NTAQ1: variants seen among roughly 807,000 people sequenced by gnomAD.
The protein encoded by NTAQ1 is protein N-terminal glutamine amidohydrolase.
Under a neutral mutation model 28.2 loss-of-function variants are expected in NTAQ1, and 21 were observed. That is an observed-to-expected ratio of 0.74 (90% CI 0.53 to 1.07). The LOEUF (loss-of-function observed/expected upper bound fraction) is 1.07, where lower values mean the gene tolerates loss of function less well. Among genes scored for constraint, NTAQ1 ranks in the 50% least tolerant of loss-of-function variants. The pLI, the probability that NTAQ1 is intolerant of heterozygous loss-of-function variation, is 0.00. For synonymous variants in NTAQ1, 105 were observed against 90.0 expected, an observed-to-expected ratio of 1.17 and a Z score of -0.94; for missense variants, 264 against 256.6, an observed-to-expected ratio of 1.03 and a Z score of -0.20.
chr8:123,424,331 C>G (rs1367849991), intron 1 of NTAQ1, among the ~76,000 whole-genome samples: 2 of 152,050 alleles, frequency 1.3e-5, no homozygotes, highest in African/African-American at 4.8e-5. Flanking sequence ...CAACCGCCGC[C>G]TCCCAGGTTC....
At chr8:123,427,425 G>A (rs1055816660) in intron 1 of NTAQ1, among the ~76,000 whole-genome samples, 1 of 151,856 alleles carries the variant, frequency 6.6e-6, no homozygotes, top group Admixed American at 6.6e-5. Context: ...GCTAATTTTA[G>A]TATTTTTAGT....
intron 1 of NTAQ1, among the ~76,000 whole-genome samples, chr8:123,418,188 C>G (rs1460610296): frequency 6.6e-6 from 1 of 152,178 alleles, no homozygotes; most frequent in Non-Finnish European, 1.5e-5. Flanking sequence ...CGATGGCTCA[C>G]GCCTGTAATT....
Position 123,441,364 on chromosome 8 carries a change from C to T in NTAQ1, c.567C>T (p.Ala189=), listed in dbSNP as rs763814546. 35 of 1,612,036 alleles carry T rather than the reference C, an allele frequency of 2.2e-5. No individual in the cohort carries two copies. The highest frequency in any genetic ancestry group is 2.8e-5 in the Non-Finnish European group (33 of 1,179,032). Residue 189 remains alanine (A), a synonymous_variant, in exon 6 of 6, where the codon GCC becomes GCT. Coordinates refer to ENST00000287387, the MANE Select transcript of NTAQ1 (RefSeq NM_018024.3). ...TGGATCCCAAGGTAGGATGGGGCGC[C>T]GTCTACACACTATCCGAATTTACAC... The part of the protein sequence containing the change: ...ISMDPKVGWG[A]VYTLSEFTHR...
At chr8:123,428,762 C>T (rs536846824) in intron 2 of NTAQ1, among the ~76,000 whole-genome samples, 13 of 151,658 alleles carry the variant, frequency 8.6e-5, no homozygotes, top group South Asian at 4.2e-4. Context: ...CCACGATGGC[C>T]GGCTAATTTT....
At chr8:123,440,439 A>C (rs962062441) in intron 5 of NTAQ1, among the ~76,000 whole-genome samples, 4 of 150,274 alleles carry the variant, frequency 2.7e-5, no homozygotes, top group African/African-American at 9.8e-5. Context: ...TATAGGCGTG[A>C]GCCACCACGC....
intron 4 of NTAQ1, among the ~76,000 whole-genome samples, 153 bp downstream of exon 4, chr8:123,436,754 G>A (rs1274130040): frequency 6.6e-6 from 1 of 152,158 alleles, no homozygotes; most frequent in Non-Finnish European, 1.5e-5. Flanking sequence ...TGCAACACAG[G>A]AGATTCAAAA....
intron 2 of NTAQ1, 90 bp downstream of exon 2, chr8:123,428,113 G>T: frequency 1.1e-6 from 1 of 888,440 alleles, no homozygotes; most frequent in East Asian, 2.4e-5. Flanking sequence ...AATATAGCAT[G>T]GGTGTAGTAC....
chr8:123,416,751 C>T, upstream of NTAQ1: 1 of 1,235,688 alleles, frequency 8.1e-7, no homozygotes, highest in Non-Finnish European at 1.1e-6. Context: ...CCGCCCACCC[C>T]ACGCCGGGAA....
intron 1 of NTAQ1, among the ~76,000 whole-genome samples, chr8:123,423,049 G>A (rs10091979): frequency 0.35 from 53,802 of 151,978 alleles, 9,817 homozygotes; most frequent in South Asian, 0.45. Context: ...GGTTACTATA[G>A]CCTTCTAGTA....
chr8:123,428,915 T>C (rs1586937407), intron 2 of NTAQ1, among the ~76,000 whole-genome samples: 1 of 152,156 alleles, frequency 6.6e-6, no homozygotes, highest in East Asian at 1.9e-4. Flanking sequence ...TTTTTTTCTT[T>C]TTTTAAATTC....
At chr8:123,430,462 C>G (rs551222941) in intron 3 of NTAQ1, among the ~76,000 whole-genome samples, 3 of 151,990 alleles carry the variant, frequency 2.0e-5, no homozygotes, top group African/African-American at 7.3e-5. Context: ...GCCAACATGG[C>G]GAAACACCAT....
downstream of NTAQ1, among the ~76,000 whole-genome samples, chr8:123,451,250 C>T (rs546831348): frequency 4.6e-5 from 7 of 152,286 alleles, no homozygotes; most frequent in South Asian, 1.5e-3. Context: ...GAGCTGACTG[C>T]CCCAGTCAAC....
chr8:123,460,042 C>T (rs988442008), intron 6 of NTAQ1, among the ~76,000 whole-genome samples: 4 of 152,100 alleles, frequency 2.6e-5, no homozygotes, highest in African/African-American at 7.2e-5. Flanking sequence ...TCAGGTAATC[C>T]GCCTGCCTCG....
chr8:123,460,055 C>G (rs1815775021), intron 6 of NTAQ1, among the ~76,000 whole-genome samples: 1 of 152,030 alleles, frequency 6.6e-6, no homozygotes, highest in African/African-American at 2.4e-5. Context: ...CTGCCTCGGC[C>G]CCCCAAAGGG....
intron 1 of NTAQ1, 111 bp downstream of exon 1, chr8:123,417,043 G>A: frequency 1.8e-6 from 2 of 1,123,602 alleles, no homozygotes; most frequent in Non-Finnish European, 2.4e-6. Context: ...GGCCTCTACC[G>A]GCGGGTTCTA....
exon 7 of NTAQ1, among the ~76,000 whole-genome samples, chr8:123,469,081 TGTTGA>T (rs759574009): frequency 2.0e-5 from 3 of 152,192 alleles, no homozygotes; most frequent in Non-Finnish European, 4.4e-5. Context: ...TGATTTTTGT[TGTTGA>T]GTTGAGGGAA....
chr8:123,468,941 G>A (rs1202934038), exon 7 of NTAQ1, among the ~76,000 whole-genome samples: 1 of 152,092 alleles, frequency 6.6e-6, no homozygotes, highest in African/African-American at 2.4e-5. Context: ...ATATCTCCTT[G>A]TGGTTTTCAG....
At chr8:123,468,046 A>G (rs377552791) in exon 7 of NTAQ1, among the ~76,000 whole-genome samples, 1 of 152,154 alleles carries the variant, frequency 6.6e-6, no homozygotes, top group African/African-American at 2.4e-5. Flanking sequence ...TGAGAGGTAA[A>G]CAAACTGAAG....
downstream of NTAQ1, among the ~76,000 whole-genome samples, chr8:123,442,718 G>C (rs374586249): frequency 2.0e-5 from 3 of 152,102 alleles, no homozygotes; most frequent in East Asian, 5.8e-4. Context: ...ACCCAGGCTG[G>C]AGTGCAGCGG....
Sources: allele counts gnomAD v4.1 joint callset (sites outside exome capture counted in the v4.1 genomes callset), GRCh38; gene constraint gnomAD v4.1.1; transcripts MANE v1.5; gene names NCBI Gene and HGNC (gene_info 2026-07-23, HGNC 2026-07-21).